CHSY3: variants seen among roughly 807,000 people sequenced by gnomAD.
CHSY3 encodes the protein chondroitin sulfate synthase 3, also known as N-acetylgalactosaminyl-proteoglycan 3-beta-glucuronosyltransferase 3.
CHSY3 carries 35 observed loss-of-function variants against 67.2 expected under a neutral mutation model. That is an observed-to-expected ratio of 0.52 (90% CI 0.40 to 0.69). The LOEUF is 0.69. CHSY3 is among the 30% of genes least tolerant of loss of function. CHSY3 has a pLI of 0.00. For missense variants in CHSY3, 1,069 were observed against 1,138.5 expected, an observed-to-expected ratio of 0.94 and a Z score of 0.88; for synonymous variants, 474 against 434.7, an observed-to-expected ratio of 1.09 and a Z score of -1.12.
intron 2 of CHSY3, among the ~76,000 whole-genome samples, chr5:130,162,616 C>A (rs1769590548): frequency 6.6e-6 from 1 of 152,038 alleles, no homozygotes; most frequent in Non-Finnish European, 1.5e-5. Flanking sequence ...CTCACTCCAG[C>A]CTGGAACTTC....
Position 130,007,324 on chromosome 5 carries a change from A to T in CHSY3, c.1086+98964A>T, listed in dbSNP as rs540377729. The stretch of plus-strand genomic sequence containing the variant: ...AACTCCCTTCAAGATGGCTAACTAG[A>T]CACAGACAGGAAGAGTTTCTCCCAC... On this transcript the variant is annotated intron_variant, in intron 2 of 2. Coordinates refer to ENST00000305031, the MANE Select transcript of CHSY3 (RefSeq NM_175856.5). Among the ~76,000 whole-genome samples, 5 of 152,242 alleles carry T rather than the reference A, an allele frequency of 3.3e-5. No homozygotes were observed. In the South Asian group the frequency reaches 1.0e-3, roughly 32 times the overall value.
chr5:130,095,504 GA>G (rs1466762046), intron 2 of CHSY3, among the ~76,000 whole-genome samples: 1 of 152,180 alleles, frequency 6.6e-6, no homozygotes, highest in Non-Finnish European at 1.5e-5. Context: ...CCAAAGAATG[GA>G]ATAAATATCC....
chr5:129,945,492 G>T (rs1375236285), intron 2 of CHSY3, among the ~76,000 whole-genome samples: 1 of 143,746 alleles, frequency 7.0e-6, no homozygotes, highest in Non-Finnish European at 1.5e-5. Context: ...TAAAACAAAA[G>T]AAATTACTCA....
chr5:130,152,260 A>G (rs1769254149), intron 2 of CHSY3, among the ~76,000 whole-genome samples: 1 of 152,252 alleles, frequency 6.6e-6, no homozygotes, highest in Non-Finnish European at 1.5e-5. Flanking sequence ...AGTAATTTGC[A>G]AACCTTGTGA....
intron 2 of CHSY3, among the ~76,000 whole-genome samples, chr5:130,143,057 C>A (rs77282945): frequency 0.045 from 6,899 of 152,238 alleles, 431 homozygotes; most frequent in East Asian, 0.27. Context: ...TATCTTTTCA[C>A]CATAGCGCAT....
intron 2 of CHSY3, among the ~76,000 whole-genome samples, chr5:130,078,237 A>G (rs1766335415): frequency 6.6e-6 from 1 of 152,090 alleles, no homozygotes; most frequent in Admixed American, 6.6e-5. Flanking sequence ...CCTGAATCAC[A>G]AATGCCTCTC....
At chr5:130,000,925 G>T (rs1309272975) in intron 2 of CHSY3, among the ~76,000 whole-genome samples, 3 of 139,954 alleles carry the variant, frequency 2.1e-5, no homozygotes, top group Non-Finnish European at 3.0e-5. Context: ...GTCTCGCTCT[G>T]TCACCCAGGC....
At chr5:130,023,151 T>C (rs1311743579) in intron 2 of CHSY3, among the ~76,000 whole-genome samples, 1 of 151,982 alleles carries the variant, frequency 6.6e-6, no homozygotes, top group Non-Finnish European at 1.5e-5. Context: ...CCTTCAATTC[T>C]TTCTTTAGAA....
intron 2 of CHSY3, among the ~76,000 whole-genome samples, chr5:130,173,280 T>A (rs189529891): frequency 1.6e-3 from 248 of 152,298 alleles, no homozygotes; most frequent in Non-Finnish European, 2.5e-3. Context: ...ATTTTTTGCA[T>A]CATAATTTTT....
intron 2 of CHSY3, among the ~76,000 whole-genome samples, chr5:130,097,975 G>T (rs961560854): frequency 6.6e-6 from 1 of 152,108 alleles, no homozygotes; most frequent in Non-Finnish European, 1.5e-5. Flanking sequence ...CTGCACTCCA[G>T]CCTGGGCGAC....
chr5:129,947,383 G>A (rs1246630004), intron 2 of CHSY3, among the ~76,000 whole-genome samples: 1 of 152,112 alleles, frequency 6.6e-6, no homozygotes, highest in Non-Finnish European at 1.5e-5. Flanking sequence ...CAGCACTTTG[G>A]GAGGCTGGGG....
At chr5:129,991,748 A>G (rs1763374103) in intron 2 of CHSY3, among the ~76,000 whole-genome samples, 1 of 152,148 alleles carries the variant, frequency 6.6e-6, no homozygotes, top group Admixed American at 6.6e-5. Context: ...GAGGAAGAAG[A>G]AAAGAAAGAG....
intron 2 of CHSY3, among the ~76,000 whole-genome samples, chr5:130,108,398 G>A (rs1767480420): frequency 6.6e-6 from 1 of 151,406 alleles, no homozygotes; most frequent in Admixed American, 6.6e-5. Flanking sequence ...GGGCCATCCA[G>A]AGTCTGTGCA....
intron 2 of CHSY3, among the ~76,000 whole-genome samples, chr5:130,012,025 A>C (rs1472730616): frequency 2.6e-5 from 4 of 152,182 alleles, no homozygotes; most frequent in Non-Finnish European, 4.4e-5. Context: ...GCCGTACTCC[A>C]CACAGCAATT....
At chr5:130,135,472 G>A (rs143967702) in intron 2 of CHSY3, among the ~76,000 whole-genome samples, 205 of 152,060 alleles carry the variant, frequency 1.3e-3, no homozygotes, top group African/African-American at 4.6e-3. Context: ...CATTTTAACC[G>A]TTGGAAATAA....
intron 2 of CHSY3, among the ~76,000 whole-genome samples, chr5:129,950,161 C>T (rs1467285875): frequency 5.1e-4 from 19 of 37,194 alleles, no homozygotes; most frequent in Middle Eastern, 8.6e-3. Flanking sequence ...AACAAGACTC[C>T]ATCTCAAAAA....
At chr5:129,982,284 A>ACC (rs907943710) in intron 2 of CHSY3, among the ~76,000 whole-genome samples, 10 of 151,830 alleles carry the variant, frequency 6.6e-5, no homozygotes, top group African/African-American at 2.4e-4. Flanking sequence ...TGTAAAAAAA[A>ACC]ACACACACAC....
chr5:129,978,612 A>T (rs1762879643), intron 2 of CHSY3, among the ~76,000 whole-genome samples: 1 of 152,136 alleles, frequency 6.6e-6, no homozygotes, highest in Admixed American at 6.5e-5. Flanking sequence ...AATATATCAT[A>T]TGTATTTTTA....
intron 2 of CHSY3, among the ~76,000 whole-genome samples, chr5:129,970,537 G>C (rs559483515): frequency 6.6e-6 from 1 of 151,920 alleles, no homozygotes; most frequent in Admixed American, 6.6e-5. Context: ...CATTTGATCA[G>C]TGGTAAGGAA....
Sources: gnomAD v4.1 joint callset for allele counts (sites outside exome capture counted in the v4.1 genomes callset) on GRCh38, gnomAD v4.1.1 for gene constraint, MANE v1.5 for transcripts, NCBI Gene and HGNC (gene_info 2026-07-23, HGNC 2026-07-21) for gene names.